Variants in INPP5F observed in about 807,000 individuals in gnomAD.
The protein encoded by INPP5F is phosphatidylinositide 4-phosphatase SAC2.
A neutral mutation model predicts 137.2 loss-of-function variants in INPP5F; 97 were observed. The ratio of observed to expected loss-of-function variants is 0.71; its 90% CI spans 0.60 to 0.84. The LOEUF (loss-of-function observed/expected upper bound fraction) is 0.84, where lower values mean the gene tolerates loss of function less well. Ranked by LOEUF, INPP5F falls within the 40% of genes least tolerant of loss-of-function variation. The probability of loss-of-function intolerance (pLI) is 0.00; values close to 1 mark genes in which losing one functional copy is unlikely to be tolerated. For synonymous variants in INPP5F, 504 were observed against 476.9 expected (o/e 1.06, Z -0.74); for missense variants, 1,271 against 1,371.9 (o/e 0.93, Z 1.16).
At chr10:119,739,479 ATTATTTGATGC>A (rs1292781673) in intron 1 of INPP5F, among the ~76,000 whole-genome samples, 7 of 152,184 alleles carry the variant, frequency 4.6e-5, no homozygotes, top group African/African-American at 1.7e-4. Context: ...AAACATTTTT[ATTATTTGATGC>A]TTATTTTTTA....
intron 1 of INPP5F, 94 bp from the exon 2 acceptor site, chr10:119,750,982 G>A (rs1848675317): frequency 2.5e-6 from 2 of 802,700 alleles, no homozygotes; most frequent in African/African-American, 3.4e-5. Flanking sequence ...GCTTTTTTGG[G>A]ACATTGATTT....
intron 12 of INPP5F, among the ~76,000 whole-genome samples, chr10:119,806,849 C>T (rs1850812888): frequency 6.6e-6 from 1 of 151,414 alleles, no homozygotes; most frequent in Non-Finnish European, 1.5e-5. Flanking sequence ...GCTCTGTTGC[C>T]CAGGCTGTTG....
chr10:119,796,078 GA>G (rs1312422692), intron 6 of INPP5F, among the ~76,000 whole-genome samples: 2 of 141,954 alleles, frequency 1.4e-5, no homozygotes, highest in African/African-American at 5.1e-5. Flanking sequence ...GGGAGAGGGA[GA>G]GGGGGAGGGG....
chr10:119,747,366 C>T (rs2134118946), intron 1 of INPP5F, among the ~76,000 whole-genome samples: 1 of 151,922 alleles, frequency 6.6e-6, no homozygotes, highest in Non-Finnish European at 1.5e-5. Flanking sequence ...GGATTACAGG[C>T]ACGCACCACC....
In INPP5F at chr10:119,827,906, A is replaced by G. The variant is rs1443085489; in HGVS notation, c.*126A>G. The G allele has an allele frequency of 2.6e-5, 20 of 766,516 alleles. No individual in the cohort carries two copies. Among genetic ancestry groups the G allele is most frequent in the Non-Finnish European group, 4.1e-5 (20 of 484,574 alleles). 47.5% of individuals were successfully genotyped at this position (766,516 alleles called of 1,614,324 possible). A position where few individuals can be genotyped will look rare whatever the true frequency, so the allele number is the denominator to read the frequency against. ...ATTCTGTTCATTGGAAAGGGTTTTA[A>G]ACGGAGTCGGAACCTGAGTAGATTT... On this transcript the variant is annotated 3_prime_UTR_variant, in exon 20 of 20. Transcript: ENST00000650623.
intron 13 of INPP5F, among the ~76,000 whole-genome samples, chr10:119,809,454 A>T (rs2134253161): frequency 6.6e-6 from 1 of 152,130 alleles, no homozygotes; most frequent in Admixed American, 6.5e-5. Context: ...TTGGAGAGAA[A>T]TAGAGGGGTT....
At chr10:119,820,195 G>A (rs1250806973) in intron 15 of INPP5F, among the ~76,000 whole-genome samples, 1 of 151,982 alleles carries the variant, frequency 6.6e-6, no homozygotes, top group Admixed American at 6.6e-5. Context: ...TGTAGTTTTG[G>A]TTTCATGGTT....
rs1007069233 is a variant in INPP5F at position 119,777,472 on chromosome 10, G to A, written c.179-4163G>A. Among the ~76,000 whole-genome samples the A allele has an allele frequency of 1.6e-4, 24 of 152,094 alleles. 1 individual carries two copies. Among genetic ancestry groups the A allele is most frequent in the African/African-American group, 5.6e-4 (23 of 41,380 alleles). On this transcript the variant is annotated intron_variant, in intron 2 of 19. Transcript: ENST00000650623. ...ACCTGGGAGGCAGAGGTTGCAGTAA[G>A]CCGAGATTGCGCCACCGCACTGCAG... is the stretch of plus-strand genomic sequence containing the variant.
chr10:119,764,460 C>T (rs1036686944), intron 2 of INPP5F, among the ~76,000 whole-genome samples: 6 of 152,168 alleles, frequency 3.9e-5, no homozygotes, highest in African/African-American at 1.4e-4. Flanking sequence ...GACCTCAAGA[C>T]CAACCCGTTC....
chr10:119,783,640 A>G (rs183617401), intron 3 of INPP5F, among the ~76,000 whole-genome samples: 1 of 152,222 alleles, frequency 6.6e-6, no homozygotes, highest in African/African-American at 2.4e-5. Context: ...TAACATTTAC[A>G]TGGAGTCTTT....
intron 2 of INPP5F, among the ~76,000 whole-genome samples, chr10:119,751,794 T>G (rs1447152675): frequency 1.3e-5 from 2 of 152,192 alleles, no homozygotes; most frequent in Non-Finnish European, 2.9e-5. Context: ...GCCTTACCCT[T>G]CAGGGAGCTT....
intron 3 of INPP5F, among the ~76,000 whole-genome samples, chr10:119,785,286 G>GTTTTTTTTTTTGTTTTTTTT (rs1849847237): frequency 9.4e-6 from 1 of 106,236 alleles, no homozygotes; most frequent in African/African-American, 3.7e-5. Flanking sequence ...CTGCCAGACT[G>GTTTTTTTTTTTGTTTTTTTT]TTTTTTTTTT....
At position 119,827,866 on chromosome 10, in the gene INPP5F, A is replaced by AC; in HGVS notation, c.*89dup. ...GGGGTATTTTAATTGTACTGTCTGA[A>AC]CCCAGGGATCACAAATTCTGTTCAT... On this transcript the variant is annotated 3_prime_UTR_variant, in exon 20 of 20. Transcript: ENST00000650623. 1.0e-6 allele frequency: 1 copy of AC among 1,000,668 alleles called. No homozygotes were observed. The highest frequency in any genetic ancestry group is 2.3e-5 in the Admixed American group (1 of 42,940). The allele number at this position is 1,000,668 out of a possible 1,614,324, so 62.0% of individuals were successfully genotyped here.
chr10:119,814,996 G>C (rs1408188356), intron 15 of INPP5F, among the ~76,000 whole-genome samples: 1 of 152,116 alleles, frequency 6.6e-6, no homozygotes, highest in Admixed American at 6.5e-5. Flanking sequence ...CTCCTGAGTA[G>C]CTGGGACTAT....
intron 1 of INPP5F, among the ~76,000 whole-genome samples, chr10:119,731,487 A>G (rs1451373829): frequency 6.6e-6 from 1 of 152,078 alleles, no homozygotes; most frequent in Non-Finnish European, 1.5e-5. Flanking sequence ...AACATGGTAA[A>G]ACCCCGTCTC....
intron 2 of INPP5F, among the ~76,000 whole-genome samples, chr10:119,780,627 T>G (rs1347651447): frequency 6.6e-6 from 1 of 152,210 alleles, no homozygotes; most frequent in Non-Finnish European, 1.5e-5. Flanking sequence ...AGCCTTATTA[T>G]GTACAGTCGG....
Position 119,826,675 on chromosome 10 carries a change from A to G in INPP5F, c.2294A>G (p.Gln765Arg), listed in dbSNP as rs780318413. ...GAAGACATCATTGGTATCAGGTCTC[A>G]AAACCAAGGTTCTTTGGCCCAGGGA... The part of the protein sequence containing the change: ...PHEDIIGIRS[Q>R]NQGSLAQGKN... The change falls in exon 20 of 20, where the codon CAA (glutamine) becomes CGA (arginine). Residue 765 changes from glutamine to arginine, a missense_variant. Transcript: ENST00000650623. 1.9e-6 allele frequency: 3 copies of G among 1,606,994 alleles called. No homozygotes were observed. Among genetic ancestry groups the G allele is most frequent in the Non-Finnish European group, 2.5e-6 (3 of 1,178,094 alleles).
At chr10:119,778,642 C>T (rs116836968) in intron 2 of INPP5F, among the ~76,000 whole-genome samples, 1 of 152,240 alleles carries the variant, frequency 6.6e-6, no homozygotes, top group African/African-American at 2.4e-5. Context: ...TCTGTTCAAT[C>T]CTAGTGTACA....
At chr10:119,794,890 G>T in intron 6 of INPP5F, among the ~76,000 whole-genome samples, 1 of 110,898 alleles carries the variant, frequency 9.0e-6, no homozygotes, top group African/African-American at 3.2e-5. Flanking sequence ...GCGGCTGGCC[G>T]GGCGGGGGGC....
Sources: gnomAD v4.1 joint callset for allele counts (sites outside exome capture counted in the v4.1 genomes callset) on GRCh38, gnomAD v4.1.1 for gene constraint, MANE v1.5 for transcripts, NCBI Gene and HGNC (gene_info 2026-07-23, HGNC 2026-07-21) for gene names.